RAB3GAP2: variants seen among roughly 807,000 people sequenced by gnomAD.
The protein encoded by RAB3GAP2 is RAB3 GTPase activating non-catalytic protein subunit 2.
RAB3GAP2 carries 87 observed loss-of-function variants against 185.3 expected under a neutral mutation model. That is an observed-to-expected ratio of 0.47 (90% CI 0.39 to 0.56). The LOEUF is 0.56. Ranked by LOEUF, RAB3GAP2 falls within the 20% of genes least tolerant of loss-of-function variation. RAB3GAP2 has a pLI of 0.00. For synonymous variants in RAB3GAP2, 554 were observed against 576.1 expected (o/e 0.96, Z 0.55); for missense variants, 1,492 against 1,638.2 (o/e 0.91, Z 1.54).
At chr1:220,244,001 A>C (rs1391284658) in intron 1 of RAB3GAP2, among the ~76,000 whole-genome samples, 3 of 152,210 alleles carry the variant, frequency 2.0e-5, no homozygotes, top group Non-Finnish European at 4.4e-5. Context: ...TCCCCTGAGA[A>C]CTAGAACAAG....
intron 18 of RAB3GAP2, among the ~76,000 whole-genome samples, chr1:220,184,867 A>G (rs1177321429): frequency 1.3e-5 from 2 of 152,084 alleles, no homozygotes; most frequent in African/African-American, 4.8e-5. Flanking sequence ...AAAGGAGTTC[A>G]CTATTTGCCA....
At chr1:220,178,809 T>C (rs1403613413) in intron 21 of RAB3GAP2, among the ~76,000 whole-genome samples, 2 of 151,930 alleles carry the variant, frequency 1.3e-5, no homozygotes, top group Non-Finnish European at 2.9e-5. Context: ...TAACACTGAA[T>C]GTAAGTGGGC....
chr1:220,211,510 G>T, intron 4 of RAB3GAP2: 2 of 369,004 alleles, frequency 5.4e-6, no homozygotes, highest in Non-Finnish European at 5.3e-6. Flanking sequence ...CAACTTGCTG[G>T]GTTTTCTTTT....
intron 21 of RAB3GAP2, among the ~76,000 whole-genome samples, chr1:220,181,981 C>T (rs1048916757): frequency 3.3e-5 from 5 of 151,202 alleles, no homozygotes; most frequent in Non-Finnish European, 5.9e-5. Flanking sequence ...CCACAGTGAG[C>T]GATGATCACA....
At chr1:220,201,487 C>T (rs1658857067) in intron 9 of RAB3GAP2, among the ~76,000 whole-genome samples, 1 of 152,020 alleles carries the variant, frequency 6.6e-6, no homozygotes, top group South Asian at 2.1e-4. Flanking sequence ...AAAACTGCTA[C>T]CATTTCTTTT....
intron 1 of RAB3GAP2, among the ~76,000 whole-genome samples, chr1:220,269,532 G>A (rs568422490): frequency 1.3e-5 from 2 of 152,268 alleles, no homozygotes; most frequent in South Asian, 4.1e-4. Flanking sequence ...GACCAGCCTG[G>A]CCAACATAGT....
chr1:220,206,682 AT>A (rs971642944), intron 7 of RAB3GAP2, among the ~76,000 whole-genome samples: 3 of 152,212 alleles, frequency 2.0e-5, no homozygotes, highest in African/African-American at 7.2e-5. Flanking sequence ...TCTCTTCTGC[AT>A]TTAGAATAAA....
chr1:220,157,459 C>T lies in RAB3GAP2; in HGVS notation c.3366G>A (p.Val1122=). ...ACGCATCCTCAGTATCCAGCACAGG[C>T]ACCTGTATTTCATCCCTGCTAACAT... The part of the protein sequence containing the change: ...EADVSRDEIQ[V]PVLDTEDAWL... The change falls in exon 31 of 35, where the codon GTG becomes GTA. Residue 1122 remains valine (V), a synonymous_variant. Coordinates refer to ENST00000358951, the MANE Select transcript of RAB3GAP2 (RefSeq NM_012414.4). 1.2e-6 allele frequency: 2 copies of T among 1,613,706 alleles called. No homozygotes were observed. Among genetic ancestry groups the T allele is most frequent in the Non-Finnish European group, 1.7e-6 (2 of 1,179,992 alleles).
chr1:220,202,697 C>G (rs1015293207), intron 8 of RAB3GAP2, among the ~76,000 whole-genome samples: 1 of 152,172 alleles, frequency 6.6e-6, no homozygotes, highest in Admixed American at 6.5e-5. Flanking sequence ...AATCCCAGCA[C>G]TTTGGGAGGC....
intron 11 of RAB3GAP2, 42 bp from the exon 12 acceptor site, chr1:220,195,209 G>T (rs182288116): frequency 7.5e-6 from 12 of 1,608,250 alleles, no homozygotes; most frequent in Non-Finnish European, 9.4e-6. Context: ...TGAGCTTCCA[G>T]GGTTTTAAAG....
intron 1 of RAB3GAP2, among the ~76,000 whole-genome samples, chr1:220,239,989 T>TAAAAAAAAA (rs146214516): frequency 1.5e-5 from 2 of 135,012 alleles, no homozygotes. Context: ...TTTTGAAGAT[T>TAAAAAAAAA]AAAAAAAAAA....
rs10526805 is a variant in RAB3GAP2, at chr1:220,214,946, TTATATATATATATATATA to T, written c.181-985_181-968del. Among the ~76,000 whole-genome samples, 37 of 89,626 alleles carry T rather than the reference TTATATATATATATATATA, an allele frequency of 4.1e-4. 1 individual carries two copies. The East Asian group carries it at 0.012, about 30-fold the overall frequency. 58.8% of individuals were successfully genotyped at this position (89,626 alleles called of 152,430 possible). On this transcript the variant is annotated intron_variant, in intron 2 of 34. Coordinates refer to ENST00000358951, the MANE Select transcript of RAB3GAP2 (RefSeq NM_012414.4). ...CCTTTTTCTTACAAGAATAGTAGCA[TTATATATATATATATATA>T]TATATATATATACTTCTATACTTTG...
At chr1:220,254,498 A>G in intron 1 of RAB3GAP2, 6 of 1,613,508 alleles carry the variant, frequency 3.7e-6, no homozygotes, top group Non-Finnish European at 4.2e-6. Context: ...AGTGCCAGCG[A>G]TTATGAAGTG....
At chr1:220,253,656 G>A (rs1659980090) in intron 1 of RAB3GAP2, 1 of 1,597,302 alleles carries the variant, frequency 6.3e-7, no homozygotes, top group South Asian at 1.1e-5. Context: ...ATGAAGCAAA[G>A]TGTGTAAAGG....
chr1:220,269,793 C>T (rs888269036), intron 1 of RAB3GAP2, among the ~76,000 whole-genome samples: 1 of 152,098 alleles, frequency 6.6e-6, no homozygotes, highest in Non-Finnish European at 1.5e-5. Context: ...AGAATTATTA[C>T]AGGAAACCAA....
intron 26 of RAB3GAP2, among the ~76,000 whole-genome samples, chr1:220,166,878 G>C (rs1666907957): frequency 1.3e-5 from 2 of 152,146 alleles, no homozygotes; most frequent in African/African-American, 4.8e-5. Flanking sequence ...ATAATATTAA[G>C]AATATTGTGT....
intron 4 of RAB3GAP2, among the ~76,000 whole-genome samples, chr1:220,212,381 A>G (rs1018383080): frequency 1.3e-5 from 2 of 152,256 alleles, no homozygotes; most frequent in African/African-American, 2.4e-5. Context: ...TTTTAAAAAC[A>G]TAATTACACG....
chr1:220,190,073 G>T lies in RAB3GAP2; in HGVS notation c.1705C>A (p.Pro569Thr), dbSNP rs150486717. 16 of 1,609,336 alleles carry T rather than the reference G, an allele frequency of 9.9e-6. No homozygotes were observed. In the African/African-American group the frequency reaches 2.1e-4, roughly 22 times the overall value. ...KLAALLKTKS[P>T]NLDLVETEIK... ...ATGAGAGAATACCTACCAAGATTGG[G>T]AGATTTTGTTTTCAGTAAGGCTGCT... The change falls in exon 16 of 35, where the codon CCC (proline) becomes ACC (threonine). Residue 569 changes from proline to threonine, a missense_variant. Pro to Thr is a conservative substitution (Grantham distance 38). Transcript: ENST00000358951.
At chr1:220,163,598 G>A (rs1385362413) in intron 27 of RAB3GAP2, among the ~76,000 whole-genome samples, 4 of 150,882 alleles carry the variant, frequency 2.7e-5, no homozygotes, top group Non-Finnish European at 5.9e-5. Flanking sequence ...TCCTGACCTC[G>A]TGATCCGCCC....
Sources: allele counts gnomAD v4.1 joint callset (sites outside exome capture counted in the v4.1 genomes callset), GRCh38; gene constraint gnomAD v4.1.1; transcripts MANE v1.5; gene names NCBI Gene and HGNC (gene_info 2026-07-23, HGNC 2026-07-21).